The following RIN2 variants were observed in gnomAD, a reference collection of about 807,000 sequenced individuals.
The protein encoded by RIN2 is RAB5 interacting protein 2.
A neutral mutation model predicts 78.0 loss-of-function variants in RIN2; 36 were observed. The ratio of observed to expected loss-of-function variants is 0.46; its 90% CI spans 0.35 to 0.61. The LOEUF (loss-of-function observed/expected upper bound fraction) is 0.61. Among genes scored for constraint, RIN2 ranks in the 20% least tolerant of loss-of-function variants. RIN2 has a pLI of 0.00. For synonymous variants in RIN2, 466 were observed against 466.8 expected, an observed-to-expected ratio of 1.00 and a Z score of 0.02; for missense variants, 1,087 against 1,159.7, an observed-to-expected ratio of 0.94 and a Z score of 0.91.
chr20:19,787,817 G>C (rs924678060), intron 1 of RIN2, among the ~76,000 whole-genome samples: 4 of 152,076 alleles, frequency 2.6e-5, no homozygotes, highest in Non-Finnish European at 5.9e-5. Context: ...AGACAGTTCA[G>C]GTATTAAACT....
At chr20:19,829,576 A>G (rs998127127) in intron 2 of RIN2, among the ~76,000 whole-genome samples, 9 of 152,162 alleles carry the variant, frequency 5.9e-5, no homozygotes, top group African/African-American at 1.9e-4. Flanking sequence ...TGTTGTGACT[A>G]TAGGAAATGT....
chr20:19,812,713 A>G (rs1446724637), intron 2 of RIN2, among the ~76,000 whole-genome samples: 2 of 152,204 alleles, frequency 1.3e-5, no homozygotes, highest in African/African-American at 2.4e-5. Flanking sequence ...GAATTGTTTC[A>G]TAGCGTGGGC....
chr20:19,985,365 G>A (rs764145277), intron 9 of RIN2, among the ~76,000 whole-genome samples: 1 of 152,190 alleles, frequency 6.6e-6, no homozygotes, highest in East Asian at 1.9e-4. Context: ...ATTACAGTAA[G>A]TGACATTTAG....
chr20:19,888,486 A>G (rs1447499512), intron 2 of RIN2, among the ~76,000 whole-genome samples: 1 of 152,210 alleles, frequency 6.6e-6, no homozygotes, highest in Non-Finnish European at 1.5e-5. Context: ...GCCTCAGTGA[A>G]CCTGCAGCAG....
At chr20:19,794,809 G>A (rs542282296) in intron 1 of RIN2, among the ~76,000 whole-genome samples, 21 of 152,078 alleles carry the variant, frequency 1.4e-4, no homozygotes, top group African/African-American at 3.9e-4. Context: ...ACAACGCCTC[G>A]CACCTACTAG....
intron 6 of RIN2, among the ~76,000 whole-genome samples, chr20:19,961,749 G>A (rs2041758281): frequency 6.6e-6 from 1 of 152,046 alleles, no homozygotes; most frequent in South Asian, 2.1e-4. Flanking sequence ...ACTGTGAACC[G>A]CCTCCAGCTC....
chr20:19,932,260 C>G (rs537822600), intron 3 of RIN2, among the ~76,000 whole-genome samples: 1 of 152,232 alleles, frequency 6.6e-6, no homozygotes, highest in Non-Finnish European at 1.5e-5. Flanking sequence ...TCTCCACTCA[C>G]TTCTGCCTTC....
At chr20:19,930,383 A>G (rs1194807562) in intron 3 of RIN2, among the ~76,000 whole-genome samples, 4 of 152,162 alleles carry the variant, frequency 2.6e-5, no homozygotes, top group Non-Finnish European at 5.9e-5. Flanking sequence ...ATTGAGGAGG[A>G]AACTTGGAGG....
At chr20:19,793,010 T>G (rs909847450) in intron 1 of RIN2, among the ~76,000 whole-genome samples, 1 of 151,856 alleles carries the variant, frequency 6.6e-6, no homozygotes, top group African/African-American at 2.4e-5. Flanking sequence ...TGTGTGTATG[T>G]GTTCAGAATA....
Position 19,836,482 on chromosome 20 carries a change from T to C in RIN2, c.-37+36735T>C, listed in dbSNP as rs182203140. Among the ~76,000 whole-genome samples the C allele has an allele frequency of 1.9e-4, 29 of 152,322 alleles. No individual in the cohort carries two copies. The East Asian group carries it at 5.6e-3, about 29-fold the overall frequency. ...AAAAATTGGACTAATTAGATCTAAC[T>C]TAATTCCTCACAGTTATGTCCCTAC... On this transcript the variant is annotated intron_variant, in intron 2 of 12. Transcript: ENST00000255006.
rs1022790911 is a variant in RIN2, at chr20:19,961,761, A to G, written c.463+950A>G. On this transcript the variant is annotated intron_variant, in intron 6 of 12. Coordinates refer to ENST00000255006, the MANE Select transcript of RIN2 (RefSeq NM_018993.4). ...CTGACTGTGAACCGCCTCCAGCTCA[A>G]TTGTCAACCTGGATCTTACAAGTCC... Among the ~76,000 whole-genome samples, 25 of 152,238 alleles carry G rather than the reference A, an allele frequency of 1.6e-4. 1 individual carries two copies. The highest frequency in any genetic ancestry group is 2.4e-5 in the African/African-American group (1 of 41,526).
At position 19,764,924 on chromosome 20, in the gene RIN2, T is replaced by G. The variant is rs972868681; in HGVS notation, c.-163+6597T>G. On this transcript the variant is annotated intron_variant, in intron 1 of 12. Coordinates refer to ENST00000255006, the MANE Select transcript of RIN2 (RefSeq NM_018993.4). ...GTCCCACTTCACTTTCTGCGTTTTTTTTTTTTTTTTTTTTTTTTTGACAGA... is the reference window on the plus strand; with the variant it reads ...GTCCCACTTCACTTTCTGCGTTTTTGTTTTTTTTTTTTTTTTTTTGACAGA... Among the ~76,000 whole-genome samples the G allele has an allele frequency of 4.3e-4, 50 of 115,252 alleles. 1 individual carries two copies. Among genetic ancestry groups the G allele is most frequent in the African/African-American group, 1.5e-3 (42 of 27,620 alleles). The allele number at this position is 115,252 out of a possible 152,430, so 75.6% of individuals were successfully genotyped here. A position where few individuals can be genotyped will look rare whatever the true frequency, so the allele number is the denominator to read the frequency against.
chr20:19,805,518 C>T (rs1010947189), intron 2 of RIN2, among the ~76,000 whole-genome samples: 2 of 152,158 alleles, frequency 1.3e-5, no homozygotes, highest in African/African-American at 4.8e-5. Flanking sequence ...TCTCCTACCT[C>T]AGCCTCCCAG....
In RIN2 at chr20:19,856,861, G is replaced by A. The variant is rs142089874; in HGVS notation, c.-36-32705G>A. Among the ~76,000 whole-genome samples the A allele has an allele frequency of 8.1e-3, 1,237 of 152,250 alleles. 20 individuals are homozygous for A. Among genetic ancestry groups the A allele is most frequent in the African/African-American group, 0.028 (1,178 of 41,536 alleles). On this transcript the variant is annotated intron_variant, in intron 2 of 12. Coordinates refer to ENST00000255006, the MANE Select transcript of RIN2 (RefSeq NM_018993.4). The stretch of plus-strand genomic sequence containing the variant: ...AACTGATTCCAAATCTTGCAACGTG[G>A]CCAGTAGTAAAGAAACAAGATGAGA...
intron 3 of RIN2, among the ~76,000 whole-genome samples, chr20:19,925,753 C>T (rs923411674): frequency 2.6e-5 from 4 of 152,224 alleles, no homozygotes; most frequent in Admixed American, 6.5e-5. Context: ...TGACAAGCAG[C>T]GTGGACACTT....
intron 1 of RIN2, among the ~76,000 whole-genome samples, chr20:19,773,150 C>T (rs567216006): frequency 2.0e-5 from 3 of 152,302 alleles, no homozygotes; most frequent in South Asian, 2.1e-4. Context: ...TAGATGCATC[C>T]CTCCAGTCCT....
intron 2 of RIN2, among the ~76,000 whole-genome samples, chr20:19,860,605 G>C (rs1393911857): frequency 2.0e-5 from 3 of 152,202 alleles, no homozygotes; most frequent in African/African-American, 7.2e-5. Flanking sequence ...TTACAGGCAT[G>C]AGCCACTGCA....
intron 4 of RIN2, among the ~76,000 whole-genome samples, chr20:19,936,000 G>A (rs2040623405): frequency 6.6e-6 from 1 of 152,226 alleles, no homozygotes; most frequent in Non-Finnish European, 1.5e-5. Context: ...TTATGGAGTA[G>A]GTTTTGCCTG....
chr20:19,876,779 C>T (rs1271580825), intron 2 of RIN2, among the ~76,000 whole-genome samples: 3 of 151,774 alleles, frequency 2.0e-5, no homozygotes, highest in Non-Finnish European at 4.4e-5. Flanking sequence ...GTGGCGGGTG[C>T]GTGTAATTCC....
Sources: gnomAD v4.1 joint callset for allele counts (sites outside exome capture counted in the v4.1 genomes callset) on GRCh38, gnomAD v4.1.1 for gene constraint, MANE v1.5 for transcripts, NCBI Gene and HGNC (gene_info 2026-07-23, HGNC 2026-07-21) for gene names.